DAB1: variants seen among roughly 807,000 people sequenced by gnomAD.
DAB1 encodes DAB adaptor protein 1.
DAB1 carries 15 observed loss-of-function variants against 64.6 expected under a neutral mutation model. The observed-to-expected ratio is 0.23, with a 90% CI of 0.16 to 0.36. DAB1 has a LOEUF of 0.36. DAB1 is among the 10% of genes least tolerant of loss of function. The probability of loss-of-function intolerance (pLI) is 1.00; values close to 1 mark genes in which losing one functional copy is unlikely to be tolerated. For missense variants in DAB1, 596 were observed against 706.7 expected (o/e 0.84, Z 1.78); for synonymous variants, 235 against 251.9 (o/e 0.93, Z 0.64).
chr1:57,845,199 G>T (rs772798914), intron 1 of DAB1, among the ~76,000 whole-genome samples: 1 of 152,194 alleles, frequency 6.6e-6, no homozygotes, highest in African/African-American at 2.4e-5. Flanking sequence ...GTGCGAGGGA[G>T]GAAGTGTCCC....
chr1:57,335,209 T>G (rs1207541523), intron 1 of DAB1, among the ~76,000 whole-genome samples: 1 of 151,786 alleles, frequency 6.6e-6, no homozygotes, highest in Non-Finnish European at 1.5e-5. Flanking sequence ...ATTTTTTTTT[T>G]AAGGCACAGT....
intron 7 of DAB1, among the ~76,000 whole-genome samples, chr1:57,590,900 T>C (rs1645438951): frequency 6.6e-6 from 1 of 152,220 alleles, no homozygotes; most frequent in Admixed American, 6.5e-5. Context: ...CATCTCATCC[T>C]AGATTCTGTT....
chr1:57,625,169 T>C (rs1645907698), intron 7 of DAB1, among the ~76,000 whole-genome samples: 1 of 152,106 alleles, frequency 6.6e-6, no homozygotes, highest in Admixed American at 6.5e-5. Flanking sequence ...CCTCCTTTGC[T>C]CTTTCCTTTA....
chr1:58,528,683 G>C (rs1646388036), intron 1 of DAB1, among the ~76,000 whole-genome samples: 1 of 152,194 alleles, frequency 6.6e-6, no homozygotes, highest in Non-Finnish European at 1.5e-5. Context: ...TGCTGAGATT[G>C]AGAAATCCTG....
chr1:57,175,754 C>T (rs1455926916), intron 2 of DAB1, among the ~76,000 whole-genome samples: 1 of 152,184 alleles, frequency 6.6e-6, no homozygotes, highest in East Asian at 1.9e-4. Flanking sequence ...TATCTGCTAA[C>T]AGAATTCTTA....
At chr1:58,474,165 T>G (rs1309590097) in intron 3 of DAB1, among the ~76,000 whole-genome samples, 1 of 152,130 alleles carries the variant, frequency 6.6e-6, no homozygotes, top group Non-Finnish European at 1.5e-5. Flanking sequence ...TTCAGGCCAA[T>G]AGCCAGCTTG....
intron 1 of DAB1, among the ~76,000 whole-genome samples, chr1:57,881,546 T>C (rs991079773): frequency 6.6e-5 from 10 of 152,210 alleles, no homozygotes; most frequent in African/African-American, 2.4e-4. Context: ...ATAAATCAGA[T>C]ATGACAGTAC....
chr1:58,246,239 G>A (rs1463744803), intron 4 of DAB1, among the ~76,000 whole-genome samples: 1 of 152,172 alleles, frequency 6.6e-6, no homozygotes, highest in Non-Finnish European at 1.5e-5. Context: ...ATATGCTTTC[G>A]TGCAGAGGAC....
intron 4 of DAB1, among the ~76,000 whole-genome samples, chr1:58,251,119 C>T (rs1660783889): frequency 6.6e-6 from 1 of 152,186 alleles, no homozygotes; most frequent in Admixed American, 6.5e-5. Context: ...GTGAGAATCA[C>T]ATGAGACAAG....
intron 5 of DAB1, among the ~76,000 whole-genome samples, chr1:57,923,773 C>T (rs556703250): frequency 7.9e-5 from 12 of 152,302 alleles, no homozygotes; most frequent in East Asian, 5.8e-4. Flanking sequence ...TTAAACACTT[C>T]GGTTTCTCCT....
At chr1:57,865,336 A>C (rs1441844014) in intron 1 of DAB1, among the ~76,000 whole-genome samples, 1 of 152,140 alleles carries the variant, frequency 6.6e-6, no homozygotes, top group Admixed American at 6.5e-5. Context: ...CACTTTATAG[A>C]ATGAAGACCA....
At chr1:57,952,846 C>G (rs1456205515) in intron 5 of DAB1, among the ~76,000 whole-genome samples, 1 of 152,172 alleles carries the variant, frequency 6.6e-6, no homozygotes, top group Non-Finnish European at 1.5e-5. Flanking sequence ...TGTTAATTGA[C>G]CAGCTGCACA....
chr1:58,118,503 T>C (rs71642155), intron 5 of DAB1, among the ~76,000 whole-genome samples: 2,513 of 52,966 alleles, frequency 0.047, 113 homozygotes, highest in East Asian at 0.11. Flanking sequence ...TATATATATA[T>C]ACACACACAC....
intron 7 of DAB1, among the ~76,000 whole-genome samples, chr1:57,527,347 C>A (rs1457322873): frequency 6.6e-6 from 1 of 152,104 alleles, no homozygotes; most frequent in Admixed American, 6.5e-5. Context: ...CAGATTTGAC[C>A]TGACCTTTTA....
chr1:58,493,260 C>T (rs1266150998), intron 3 of DAB1, among the ~76,000 whole-genome samples: 11 of 152,178 alleles, frequency 7.2e-5, no homozygotes, highest in Admixed American at 2.0e-4. Context: ...ATTGATGGGA[C>T]GTATCTCAAA....
At chr1:57,071,186 T>C in intron 6 of DAB1, 125 bp from the exon 7 acceptor site, 1 of 949,174 alleles carries the variant, frequency 1.1e-6, no homozygotes, top group Non-Finnish European at 1.6e-6. Flanking sequence ...TGGTGGGCCA[T>C]CAAGGTAGAA....
At chr1:57,634,226 A>G (rs1646025186) in intron 7 of DAB1, among the ~76,000 whole-genome samples, 1 of 152,250 alleles carries the variant, frequency 6.6e-6, no homozygotes, top group Non-Finnish European at 1.5e-5. Flanking sequence ...CAATAATGTA[A>G]GATTTAGCAT....
chr1:57,746,296 G>T (rs114197779), intron 6 of DAB1, among the ~76,000 whole-genome samples: 1 of 151,876 alleles, frequency 6.6e-6, no homozygotes, highest in South Asian at 2.1e-4. Context: ...GCTCTTTAAG[G>T]GTATATTATC....
At chr1:57,559,803 T>A (rs1645030575) in intron 7 of DAB1, among the ~76,000 whole-genome samples, 1 of 152,124 alleles carries the variant, frequency 6.6e-6, no homozygotes, top group Non-Finnish European at 1.5e-5. Flanking sequence ...ATGGAAGCCA[T>A]TAGAGCTGCC....
Sources: gnomAD v4.1 joint callset for allele counts (sites outside exome capture counted in the v4.1 genomes callset) on GRCh38, gnomAD v4.1.1 for gene constraint, MANE v1.5 for transcripts, NCBI Gene and HGNC (gene_info 2026-07-23, HGNC 2026-07-21) for gene names.